Variants in PKIB observed in about 807,000 individuals in gnomAD.
PKIB encodes the protein PKI-beta.
PKIB carries 2 observed loss-of-function variants against 4.5 expected under a neutral mutation model. The ratio of observed to expected loss-of-function variants is 0.44; its 90% CI spans 0.18 to 1.39. The LOEUF (loss-of-function observed/expected upper bound fraction) is 1.39, where lower values mean the gene tolerates loss of function less well. PKIB is among the 40% of genes most tolerant of loss of function. The probability of loss-of-function intolerance (pLI) is 0.27; values close to 1 mark genes in which losing one functional copy is unlikely to be tolerated. For synonymous variants in PKIB, 38 were observed against 36.0 expected (o/e 1.06, Z -0.20); for missense variants, 94 against 92.6 (o/e 1.02, Z -0.06).
intron 2 of PKIB, among the ~76,000 whole-genome samples, chr6:122,566,191 A>G (rs1773186182): frequency 6.6e-6 from 1 of 152,182 alleles, no homozygotes; most frequent in Non-Finnish European, 1.5e-5. Flanking sequence ...GAGGAAAAGA[A>G]ATAAAAAAAG....
At chr6:122,702,621 T>G (rs980184225) in intron 3 of PKIB, among the ~76,000 whole-genome samples, 3 of 151,868 alleles carry the variant, frequency 2.0e-5, no homozygotes, top group Non-Finnish European at 4.4e-5. Context: ...CACCCAGCCT[T>G]AAGGGAAATG....
chr6:122,589,511 G>T (rs921930287), intron 3 of PKIB, among the ~76,000 whole-genome samples: 2 of 152,112 alleles, frequency 1.3e-5, no homozygotes, highest in Non-Finnish European at 1.5e-5. Flanking sequence ...TGTCAAAGGT[G>T]ATTTGATTTC....
chr6:122,603,027 C>T (rs1343791582), intron 3 of PKIB, among the ~76,000 whole-genome samples: 1 of 151,098 alleles, frequency 6.6e-6, no homozygotes, highest in Non-Finnish European at 1.5e-5. Flanking sequence ...TTAAAAGAGG[C>T]TAACTTTTAA....
chr6:122,480,375 A>G (rs1385195883), intron 2 of PKIB: 1 of 152,136 alleles, frequency 6.6e-6, no homozygotes, highest in Non-Finnish European at 1.5e-5. Context: ...TTGCTAACCT[A>G]CACTTAGTAT....
chr6:122,609,095 A>C (rs1025463555), upstream of PKIB, among the ~76,000 whole-genome samples: 1 of 152,216 alleles, frequency 6.6e-6, no homozygotes, highest in Non-Finnish European at 1.5e-5. Flanking sequence ...ACAAGTAACT[A>C]TATTTTTATT....
At chr6:122,664,931 C>T (rs1777157547) in intron 2 of PKIB, among the ~76,000 whole-genome samples, 1 of 152,078 alleles carries the variant, frequency 6.6e-6, no homozygotes, top group South Asian at 2.1e-4. Flanking sequence ...TTTTAAAATT[C>T]AAATTTGGAC....
At chr6:122,572,460 C>T (rs577214341) in intron 2 of PKIB, among the ~76,000 whole-genome samples, 42 of 151,700 alleles carry the variant, frequency 2.8e-4, no homozygotes, top group Middle Eastern at 3.4e-3. Context: ...TCAAAACCTC[C>T]GGGATACAGC....
At chr6:122,612,178 C>G (rs1432082168) in intron 1 of PKIB, among the ~76,000 whole-genome samples, 1 of 152,056 alleles carries the variant, frequency 6.6e-6, no homozygotes, top group Non-Finnish European at 1.5e-5. Context: ...CCTCACAGTT[C>G]TTACAATTAT....
intron 2 of PKIB, among the ~76,000 whole-genome samples, chr6:122,537,382 G>C (rs1777439762): frequency 6.6e-6 from 1 of 151,486 alleles, no homozygotes; most frequent in Non-Finnish European, 1.5e-5. Context: ...TGTTTTCCTT[G>C]TTCAATTCCC....
chr6:122,544,934 A>T (rs567936498), intron 2 of PKIB, among the ~76,000 whole-genome samples: 1 of 152,240 alleles, frequency 6.6e-6, no homozygotes, highest in South Asian at 2.1e-4. Context: ...CAAAACCACA[A>T]TGAGATACCA....
chr6:122,654,712 A>G (rs1776700308), intron 2 of PKIB, among the ~76,000 whole-genome samples: 1 of 152,072 alleles, frequency 6.6e-6, no homozygotes, highest in Non-Finnish European at 1.5e-5. Flanking sequence ...CAGTTGTTAT[A>G]TTTTTCTGTA....
intron 3 of PKIB, among the ~76,000 whole-genome samples, chr6:122,696,383 G>T (rs1778570603): frequency 6.6e-6 from 1 of 152,158 alleles, no homozygotes; most frequent in Non-Finnish European, 1.5e-5. Context: ...TGTGAAGGTG[G>T]CCAGGATTCC....
chr6:122,613,315 G>A (rs774894970), intron 1 of PKIB, among the ~76,000 whole-genome samples: 4 of 152,040 alleles, frequency 2.6e-5, no homozygotes, highest in Non-Finnish European at 5.9e-5. Context: ...TAAACTATAC[G>A]TCTTGTGAAC....
chr6:122,704,334 C>T (rs943273396), intron 3 of PKIB, among the ~76,000 whole-genome samples: 1 of 151,838 alleles, frequency 6.6e-6, no homozygotes, highest in African/African-American at 2.4e-5. Context: ...AATGGTTAAC[C>T]AAGTATCTGA....
intron 2 of PKIB, among the ~76,000 whole-genome samples, chr6:122,636,696 A>C (rs1775930310): frequency 6.6e-6 from 1 of 152,146 alleles, no homozygotes; most frequent in Non-Finnish European, 1.5e-5. Context: ...GATTTGGGAG[A>C]GATCTTGGCA....
chr6:122,709,211 C>G (rs895749170), intron 3 of PKIB, among the ~76,000 whole-genome samples: 5 of 152,110 alleles, frequency 3.3e-5, no homozygotes, highest in African/African-American at 1.2e-4. Context: ...AGATGTCTTT[C>G]TAGAAGTTGA....
At chr6:122,524,332 C>T (rs1423695872) in intron 2 of PKIB, among the ~76,000 whole-genome samples, 1 of 147,968 alleles carries the variant, frequency 6.8e-6, no homozygotes, top group African/African-American at 2.5e-5. Flanking sequence ...TCCTCCTCCT[C>T]CTTCTTCTTC....
chr6:122,645,702 C>T (rs1776282395), intron 2 of PKIB, among the ~76,000 whole-genome samples: 2 of 152,164 alleles, frequency 1.3e-5, no homozygotes, highest in Non-Finnish European at 2.9e-5. Context: ...CTACATAGGG[C>T]ATTAAAGCAG....
At chr6:122,576,492 C>T (rs1479599682) in intron 2 of PKIB, among the ~76,000 whole-genome samples, 2 of 151,294 alleles carry the variant, frequency 1.3e-5, no homozygotes, top group East Asian at 3.9e-4. Flanking sequence ...CATGGTGAAA[C>T]CCCGTTTCTA....
Sources: allele counts gnomAD v4.1 joint callset (sites outside exome capture counted in the v4.1 genomes callset), GRCh38; gene constraint gnomAD v4.1.1; transcripts MANE v1.5; gene names NCBI Gene and HGNC (gene_info 2026-07-23, HGNC 2026-07-21).